Variants in CBLB observed in about 807,000 individuals in gnomAD.
The protein encoded by CBLB is E3 ubiquitin-protein ligase CBL-B.
Under a neutral mutation model 104.9 loss-of-function variants are expected in CBLB, and 31 were observed. That is an observed-to-expected ratio of 0.30 (90% CI 0.22 to 0.40). The LOEUF (loss-of-function observed/expected upper bound fraction) is 0.40. CBLB is among the 10% of genes least tolerant of loss of function. The probability of loss-of-function intolerance (pLI) is 1.00; values close to 1 mark genes in which losing one functional copy is unlikely to be tolerated. For missense variants in CBLB, 1,062 were observed against 1,214.6 expected, an observed-to-expected ratio of 0.87 and a Z score of 1.87; for synonymous variants, 440 against 422.6, an observed-to-expected ratio of 1.04 and a Z score of -0.51.
rs896507455 is a variant in CBLB at position 105,760,774 on chromosome 3, GA to G, written c.567-9157del. Among the ~76,000 whole-genome samples the G allele has an allele frequency of 7.2e-5, 11 of 152,140 alleles. 1 individual carries two copies. The East Asian group carries it at 9.7e-4, about 13-fold the overall frequency. ...TGATAACATTTCTAAAACCCTGAAA[GA>G]AAAAACTCTGCATATATTGTTGTGC... On this transcript the variant is annotated intron_variant, in intron 4 of 18. Coordinates refer to ENST00000394030, the MANE Select transcript of CBLB (RefSeq NM_170662.5).
At chr3:105,737,430 C>A (rs1017507959) in intron 7 of CBLB, among the ~76,000 whole-genome samples, 172 bp from the exon 8 acceptor site, 2 of 151,950 alleles carry the variant, frequency 1.3e-5, no homozygotes, top group Non-Finnish European at 2.9e-5. Flanking sequence ...GTTTTTAGGA[C>A]ACTTAAAATG....
chr3:105,812,365 T>C (rs1386850464), intron 3 of CBLB, among the ~76,000 whole-genome samples: 1 of 152,142 alleles, frequency 6.6e-6, no homozygotes, highest in Non-Finnish European at 1.5e-5. Flanking sequence ...ATCCCACTGA[T>C]CTGTAAACTC....
chr3:105,702,375 C>G lies in CBLB; in HGVS notation c.1678G>C (p.Glu560Gln), dbSNP rs765989465. The G allele has an allele frequency of 5.7e-6, 9 of 1,577,778 alleles. No individual in the cohort carries two copies. The highest frequency in any genetic ancestry group is 7.8e-6 in the Non-Finnish European group (9 of 1,157,852). The change falls in exon 12 of 19, where the codon GAA becomes CAA. Residue 560 changes from glutamate to glutamine, a missense_variant. Glu to Gln is a conservative substitution (Grantham distance 29, BLOSUM62 2). Transcript: ENST00000394030. Reference protein sequence around the residue: ...PLRDPPPPPPERPPPIPPDNR... With the variant: ...PLRDPPPPPPQRPPPIPPDNR... ...TCTGGTGGGATTGGTGGAGGTCTTT[C>G]AGGTGGCGGTGGAGGAGGATCTCTT...
At chr3:105,757,554 T>C (rs1267018485) in intron 4 of CBLB, among the ~76,000 whole-genome samples, 1 of 152,242 alleles carries the variant, frequency 6.6e-6, no homozygotes, top group Non-Finnish European at 1.5e-5. Context: ...ACATGGATTA[T>C]GTTTACTTCA....
At chr3:105,701,984 A>T in intron 12 of CBLB, 110 bp downstream of exon 12, 1 of 1,130,556 alleles carries the variant, frequency 8.8e-7, no homozygotes, top group South Asian at 1.3e-5. Context: ...AAAGACTTAC[A>T]GGGAAGTGCC....
chr3:105,771,986 A>G (rs1560171600), intron 4 of CBLB, among the ~76,000 whole-genome samples: 1 of 152,172 alleles, frequency 6.6e-6, no homozygotes, highest in Non-Finnish European at 1.5e-5. Flanking sequence ...TTCCCATCAA[A>G]ATACCATCAA....
intron 10 of CBLB, among the ~76,000 whole-genome samples, chr3:105,710,951 A>G (rs2070982638): frequency 6.6e-6 from 1 of 152,002 alleles, no homozygotes; most frequent in Non-Finnish European, 1.5e-5. Flanking sequence ...CCATCTCACT[A>G]TGTTCAGCAA....
At chr3:105,773,534 C>A (rs2079107688) in intron 4 of CBLB, among the ~76,000 whole-genome samples, 1 of 152,174 alleles carries the variant, frequency 6.6e-6, no homozygotes, top group African/African-American at 2.4e-5. Flanking sequence ...TTAAATGAGT[C>A]ACAAGCTGCT....
intron 6 of CBLB, among the ~76,000 whole-genome samples, chr3:105,743,093 C>T (rs925557031): frequency 6.6e-6 from 1 of 152,146 alleles, no homozygotes; most frequent in Non-Finnish European, 1.5e-5. Context: ...CTGGTGGCTA[C>T]CCCTTCCCAA....
At chr3:105,676,271 A>C (rs2065632798) in intron 17 of CBLB, among the ~76,000 whole-genome samples, 1 of 152,190 alleles carries the variant, frequency 6.6e-6, no homozygotes. Flanking sequence ...TTAAACTAGT[A>C]ATTTTTTTTA....
intron 3 of CBLB, among the ~76,000 whole-genome samples, chr3:105,828,174 C>T (rs145263302): frequency 5.1e-4 from 77 of 152,234 alleles, no homozygotes; most frequent in East Asian, 2.7e-3. Flanking sequence ...GGGGAATGAG[C>T]GGGCATGTGG....
intron 9 of CBLB, among the ~76,000 whole-genome samples, chr3:105,732,185 G>C (rs530588659): frequency 6.6e-6 from 1 of 152,230 alleles, no homozygotes; most frequent in African/African-American, 2.4e-5. Context: ...TCCAATTACA[G>C]ACAATCTATC....
Position 105,811,773 on chromosome 3 carries a change from G to A in CBLB, c.420-35231C>T, listed in dbSNP as rs1173842239. Reference sequence around the variant, plus strand: ...TCTCCGGGCTGGAGTGCAACGGCACGAACCCGGCTCACAGCAACCTCCACC... The same window carrying A: ...TCTCCGGGCTGGAGTGCAACGGCACAAACCCGGCTCACAGCAACCTCCACC... On this transcript the variant is annotated intron_variant, in intron 3 of 18. Coordinates refer to ENST00000394030, the MANE Select transcript of CBLB (RefSeq NM_170662.5). Among the ~76,000 whole-genome samples, 4 of 151,818 alleles carry A rather than the reference G, an allele frequency of 2.6e-5. No individual in the cohort carries two copies. In the East Asian group the frequency reaches 5.8e-4, roughly 22 times the overall value.
intron 12 of CBLB, among the ~76,000 whole-genome samples, chr3:105,695,642 T>A (rs1357364011): frequency 6.6e-6 from 1 of 151,868 alleles, no homozygotes; most frequent in South Asian, 2.1e-4. Flanking sequence ...TCACTTTTTC[T>A]AACTGTTTCA....
chr3:105,778,839 T>C (rs1365110512), intron 3 of CBLB, among the ~76,000 whole-genome samples: 2 of 152,178 alleles, frequency 1.3e-5, no homozygotes, highest in East Asian at 3.8e-4. Flanking sequence ...ATTTAGATGA[T>C]GGTAGATATA....
At chr3:105,848,898 T>C (rs932131414) in intron 3 of CBLB, among the ~76,000 whole-genome samples, 2 of 152,108 alleles carry the variant, frequency 1.3e-5, no homozygotes, top group Non-Finnish European at 2.9e-5. Context: ...AACCATATAC[T>C]TTGTTGCCTA....
chr3:105,867,621 G>A, intron 1 of CBLB, 30 bp from the exon 2 acceptor site: 1 of 1,602,492 alleles, frequency 6.2e-7, no homozygotes, highest in Non-Finnish European at 8.5e-7. Context: ...AAAAAGAAAA[G>A]TTAGTTGGTT....
At chr3:105,740,055 A>T (rs1384210360) in intron 7 of CBLB, among the ~76,000 whole-genome samples, 1 of 152,214 alleles carries the variant, frequency 6.6e-6, no homozygotes, top group African/African-American at 2.4e-5. Flanking sequence ...GTGAGCAGAG[A>T]TTGTGCCACT....
At chr3:105,769,906 G>A (rs533657947) in intron 4 of CBLB, among the ~76,000 whole-genome samples, 8 of 152,302 alleles carry the variant, frequency 5.3e-5, no homozygotes, top group Non-Finnish European at 1.0e-4. Context: ...GAGATAGGGA[G>A]ACTAATCAGA....
Sources: gnomAD v4.1 joint callset for allele counts (sites outside exome capture counted in the v4.1 genomes callset) on GRCh38, gnomAD v4.1.1 for gene constraint, MANE v1.5 for transcripts, NCBI Gene and HGNC (gene_info 2026-07-23, HGNC 2026-07-21) for gene names.